The following LRRC37A2 variants were observed in gnomAD, a reference collection of about 807,000 sequenced individuals.
LRRC37A2 encodes the protein leucine rich repeat containing 37 member A2.
Under a neutral mutation model 68.8 loss-of-function variants are expected in LRRC37A2, and 9 were observed. That is an observed-to-expected ratio of 0.13 (90% CI 0.08 to 0.23). The LOEUF is 0.23. LRRC37A2 is among the 10% of genes least tolerant of loss of function. LRRC37A2 has a pLI of 1.00. For synonymous variants in LRRC37A2, 63 were observed against 367.6 expected (o/e 0.17, Z 9.48); for missense variants, 168 against 950.4 (o/e 0.18, Z 10.82).
the LRRC37A2 span, among the ~76,000 whole-genome samples, chr17:46,942,214 G>C: frequency 1.3e-5 from 2 of 152,200 alleles, no homozygotes; most frequent in Non-Finnish European, 1.5e-5. Context: ...AGCAAAGAAA[G>C]AAACGTCATC....
At chr17:46,971,727 G>A in the LRRC37A2 span, among the ~76,000 whole-genome samples, 1 of 152,206 alleles carries the variant, frequency 6.6e-6, no homozygotes, top group African/African-American at 2.4e-5. Context: ...GGGAAGTCCT[G>A]CACCCCGACC....
the LRRC37A2 span, chr17:46,934,949 T>G: frequency 3.0e-6 from 4 of 1,327,436 alleles, no homozygotes; most frequent in Non-Finnish European, 3.3e-6. Flanking sequence ...TGGCTTGGCC[T>G]TGGCCAAAAG....
chr17:46,970,379 A>G, the LRRC37A2 span, among the ~76,000 whole-genome samples: 1 of 152,104 alleles, frequency 6.6e-6, no homozygotes, highest in Non-Finnish European at 1.5e-5. Context: ...TGTCTCTACT[A>G]AAAATGCAAA....
the LRRC37A2 span, among the ~76,000 whole-genome samples, chr17:47,024,462 G>A: frequency 6.6e-6 from 1 of 152,142 alleles, no homozygotes; most frequent in South Asian, 2.1e-4. Flanking sequence ...AGAGTGGGTA[G>A]GGGTGTGCTT....
the LRRC37A2 span, among the ~76,000 whole-genome samples, chr17:46,575,433 A>G: frequency 6.6e-6 from 1 of 151,378 alleles, no homozygotes; most frequent in Non-Finnish European, 1.5e-5. Context: ...TACTTGGTGT[A>G]GAGATGAGAT....
intron 6 of LRRC37A2, among the ~76,000 whole-genome samples, chr17:46,539,788 AAATAG>A (rs2054961937): frequency 6.8e-6 from 1 of 146,538 alleles, no homozygotes; most frequent in African/African-American, 2.6e-5. Context: ...AAAAAAAAAA[AAATAG>A]ATGAACAACT....
At chr17:46,983,154 A>C in the LRRC37A2 span, among the ~76,000 whole-genome samples, 1 of 152,048 alleles carries the variant, frequency 6.6e-6, no homozygotes, top group African/African-American at 2.4e-5. Context: ...GCAGAGTTCT[A>C]TTTTAATATG....
At chr17:46,872,805 T>TGGGGGAGGGGGAGGGCG in the LRRC37A2 span, 4 of 1,089,670 alleles carry the variant, frequency 3.7e-6, no homozygotes, top group Non-Finnish European at 5.3e-6. Flanking sequence ...CGGGGAGGGC[T>TGGGGGAGGGGGAGGGCG]GGGGGAAGAA....
the LRRC37A2 span, among the ~76,000 whole-genome samples, chr17:46,715,788 A>G: frequency 6.6e-6 from 1 of 152,242 alleles, no homozygotes; most frequent in African/African-American, 2.4e-5. Flanking sequence ...CTTATTATTT[A>G]ATCTTCAAAT....
At chr17:47,026,287 G>A in the LRRC37A2 span, among the ~76,000 whole-genome samples, 30 of 152,294 alleles carry the variant, frequency 2.0e-4, no homozygotes, top group South Asian at 4.1e-4. Context: ...ATGAGTACCC[G>A]TAGAGTACAA....
chr17:46,749,697 A>AT, the LRRC37A2 span: 18 of 1,349,498 alleles, frequency 1.3e-5, no homozygotes, highest in Non-Finnish European at 1.8e-5. Flanking sequence ...TCTTTTGCAA[A>AT]TTGTGTTCAA....
At chr17:46,490,447 G>T in the LRRC37A2 span, among the ~76,000 whole-genome samples, 1 of 151,100 alleles carries the variant, frequency 6.6e-6, no homozygotes, top group African/African-American at 2.5e-5. Flanking sequence ...TTTTGGCCAG[G>T]CATGGTGGCT....
chr17:46,491,134 C>G, the LRRC37A2 span, among the ~76,000 whole-genome samples: 12 of 150,862 alleles, frequency 8.0e-5, no homozygotes, highest in African/African-American at 2.7e-4. Flanking sequence ...TGAGCTCAGG[C>G]GATCCGCCCG....
chr17:46,837,088 A>G, the LRRC37A2 span, among the ~76,000 whole-genome samples: 2 of 151,848 alleles, frequency 1.3e-5, no homozygotes, highest in Non-Finnish European at 2.9e-5. Flanking sequence ...GACTACAGGC[A>G]CTCGCCACCA....
At chr17:46,766,345 T>A in the LRRC37A2 span, among the ~76,000 whole-genome samples, 1 of 151,016 alleles carries the variant, frequency 6.6e-6, no homozygotes, top group Non-Finnish European at 1.5e-5. Context: ...GTGGCGGAGG[T>A]TACAGTGAGC....
the LRRC37A2 span, among the ~76,000 whole-genome samples, chr17:46,691,575 G>T: frequency 6.6e-6 from 1 of 151,016 alleles, no homozygotes; most frequent in South Asian, 2.1e-4. Context: ...AGCCTGGGCA[G>T]CAGAGCAAGA....
the LRRC37A2 span, among the ~76,000 whole-genome samples, chr17:46,490,320 G>C: frequency 6.6e-6 from 1 of 151,192 alleles, no homozygotes; most frequent in South Asian, 2.1e-4. Context: ...GCCATAGTTT[G>C]TTCACCCCAT....
chr17:46,904,490 ATG>A, the LRRC37A2 span, among the ~76,000 whole-genome samples: 1 of 139,988 alleles, frequency 7.1e-6, no homozygotes, highest in African/African-American at 2.8e-5. Flanking sequence ...GGATGGATGG[ATG>A]GGTGGATGGG....
the LRRC37A2 span, among the ~76,000 whole-genome samples, chr17:46,897,105 C>T: frequency 6.6e-6 from 1 of 152,144 alleles, no homozygotes; most frequent in East Asian, 1.9e-4. Flanking sequence ...CTGCTGCGAC[C>T]GCTCGAGTAC....
Sources: gnomAD v4.1 joint callset for allele counts (sites outside exome capture counted in the v4.1 genomes callset) on GRCh38, gnomAD v4.1.1 for gene constraint, MANE v1.5 for transcripts, NCBI Gene and HGNC (gene_info 2026-07-23, HGNC 2026-07-21) for gene names.